The following RBPJ variants were observed in gnomAD, a reference collection of about 807,000 sequenced individuals.
RBPJ encodes the protein recombining binding protein suppressor of hairless.
RBPJ carries 9 observed loss-of-function variants against 67.8 expected under a neutral mutation model. The observed-to-expected ratio is 0.13, with a 90% CI of 0.08 to 0.23. The LOEUF (loss-of-function observed/expected upper bound fraction) is 0.23. Ranked by LOEUF, RBPJ falls within the 10% of genes least tolerant of loss-of-function variation. RBPJ has a pLI of 1.00. For synonymous variants in RBPJ, 198 were observed against 203.3 expected, an observed-to-expected ratio of 0.97 and a Z score of 0.22; for missense variants, 305 against 595.6, an observed-to-expected ratio of 0.51 and a Z score of 5.08.
chr4:26,330,261 A>G (rs1048604559), intron 1 of RBPJ, among the ~76,000 whole-genome samples: 1 of 152,210 alleles, frequency 6.6e-6, no homozygotes, highest in Non-Finnish European at 1.5e-5. Flanking sequence ...AGTGAGCTTC[A>G]TAAGAAAAGG....
At chr4:26,352,961 G>A (rs915070546) in intron 1 of RBPJ, among the ~76,000 whole-genome samples, 4 of 152,094 alleles carry the variant, frequency 2.6e-5, no homozygotes, top group Non-Finnish European at 5.9e-5. Context: ...AGCTTCTTAT[G>A]TACCGGTAGC....
At chr4:26,240,404 C>T (rs1296003819) in intron 1 of RBPJ, among the ~76,000 whole-genome samples, 2 of 152,214 alleles carry the variant, frequency 1.3e-5, no homozygotes, top group African/African-American at 2.4e-5. Context: ...AGATCAATAA[C>T]ATTCACACAG....
intron 1 of RBPJ, among the ~76,000 whole-genome samples, chr4:26,210,194 A>C (rs938286334): frequency 1.3e-5 from 2 of 152,214 alleles, no homozygotes; most frequent in Non-Finnish European, 2.9e-5. Context: ...CTCTCAACAC[A>C]GATCCAAGAG....
intron 1 of RBPJ, among the ~76,000 whole-genome samples, chr4:26,168,400 C>A (rs1322776591): frequency 6.6e-6 from 1 of 152,054 alleles, no homozygotes; most frequent in East Asian, 1.9e-4. Context: ...GAATGTTGGC[C>A]CCCACTCTCT....
chr4:26,176,987 T>A (rs1347456938), intron 1 of RBPJ, among the ~76,000 whole-genome samples: 2 of 152,184 alleles, frequency 1.3e-5, no homozygotes, highest in Admixed American at 6.5e-5. Flanking sequence ...TGTCTGAAGA[T>A]GAGATGATTC....
chr4:26,169,889 T>C (rs918416006), intron 1 of RBPJ, among the ~76,000 whole-genome samples: 5 of 152,178 alleles, frequency 3.3e-5, no homozygotes, highest in African/African-American at 1.2e-4. Context: ...ATGTGCGGGA[T>C]ATAATCTCCT....
chr4:26,213,589 G>C (rs1406199898), intron 1 of RBPJ, among the ~76,000 whole-genome samples: 2 of 152,178 alleles, frequency 1.3e-5, no homozygotes, highest in Non-Finnish European at 2.9e-5. Context: ...CTGCCCATGA[G>C]AATGGAAAGG....
intron 1 of RBPJ, among the ~76,000 whole-genome samples, chr4:26,372,599 G>C (rs750006435): frequency 6.6e-6 from 1 of 152,066 alleles, no homozygotes; most frequent in African/African-American, 2.4e-5. Flanking sequence ...CTTCCTAGGG[G>C]CCTTGTTCTT....
intron 1 of RBPJ, 43 bp from the exon 2 acceptor site, chr4:26,386,310 T>C (rs770048258): frequency 1.3e-5 from 19 of 1,449,984 alleles, no homozygotes; most frequent in Non-Finnish European, 1.8e-5. Flanking sequence ...GAGTGTATCA[T>C]AAAGCTTACT....
intron 1 of RBPJ, among the ~76,000 whole-genome samples, chr4:26,338,875 G>A (rs964429052): frequency 3.3e-5 from 5 of 151,106 alleles, no homozygotes; most frequent in African/African-American, 7.3e-5. Flanking sequence ...AAAGTTGGGT[G>A]TGTGTGTGTG....
At chr4:26,420,444 C>T (rs1224138694) in intron 4 of RBPJ, 107 bp from the exon 5 acceptor site, 5 of 657,952 alleles carry the variant, frequency 7.6e-6, no homozygotes, top group African/African-American at 1.9e-5. Flanking sequence ...TCAGCTATCC[C>T]TTGGAATTGT....
chr4:26,170,303 G>A (rs1310583466), intron 1 of RBPJ, among the ~76,000 whole-genome samples: 1 of 152,182 alleles, frequency 6.6e-6, no homozygotes, highest in Non-Finnish European at 1.5e-5. Context: ...GGCTTTGGGA[G>A]GCCGAGGCGG....
intron 1 of RBPJ, among the ~76,000 whole-genome samples, chr4:26,180,245 C>G (rs1002011135): frequency 6.7e-6 from 1 of 149,578 alleles, no homozygotes; most frequent in Non-Finnish European, 1.5e-5. Flanking sequence ...ACCTGGGTGA[C>G]GAAATAATTG....
In RBPJ at chr4:26,267,097, A is replaced by T. The variant is rs541026580; in HGVS notation, c.-166-95349A>T. ...TCAAGGTAAAGAAGAAGATGGGGTT[A>T]CACAGAAGCCCAGTATTGACTTCGC... On this transcript the variant is annotated intron_variant, in intron 1 of 4. Coordinates refer to the RBPJ transcript ENST00000512351. Among the ~76,000 whole-genome samples, 217 of 152,344 alleles carry T rather than the reference A, an allele frequency of 1.4e-3. 3 individuals are homozygous for T. Among genetic ancestry groups the T allele is most frequent in the African/African-American group, 5.1e-3 (210 of 41,584 alleles).
intron 1 of RBPJ, among the ~76,000 whole-genome samples, chr4:26,278,330 A>G (rs1721148852): frequency 6.6e-6 from 1 of 152,236 alleles, no homozygotes. Context: ...TGTTAAAACC[A>G]ATTCAAAGGA....
At chr4:26,328,266 A>G (rs1723860608) in intron 1 of RBPJ, among the ~76,000 whole-genome samples, 1 of 152,194 alleles carries the variant, frequency 6.6e-6, no homozygotes, top group Non-Finnish European at 1.5e-5. Context: ...TAGTATAACC[A>G]TGCTTTAGTG....
chr4:26,353,075 C>T (rs1726973703), intron 1 of RBPJ, among the ~76,000 whole-genome samples: 2 of 152,208 alleles, frequency 1.3e-5, no homozygotes, highest in Admixed American at 1.3e-4. Context: ...GCTACTACAT[C>T]AGCTACTACT....
In RBPJ at chr4:26,431,220, A is replaced by AT. The variant is rs1241726873; in HGVS notation, c.*213_*214insT. On this transcript the variant is annotated 3_prime_UTR_variant, in exon 11 of 11. Transcript: ENST00000355476. Reference sequence around the variant, plus strand: ...AAAAAAAAAAAAAAAAAGAAAAAAAAATCAAAATGTATAAATATTGGAAAT... The same window carrying AT: ...AAAAAAAAAAAAAAAAAGAAAAAAAATATCAAAATGTATAAATATTGGAAAT... 2.3e-6 allele frequency: 1 copy of AT among 431,176 alleles called. No homozygotes were observed. The highest frequency in any genetic ancestry group is 4.1e-6 in the Non-Finnish European group (1 of 245,584). The allele number at this position is 431,176 out of a possible 1,614,324, so 26.7% of individuals were successfully genotyped here.
chr4:26,430,199 GAAAA>G lies in RBPJ; in HGVS notation c.1044+152_1044+155del. The G allele has an allele frequency of 1.0e-6, 1 of 989,012 alleles. No homozygotes were observed. The highest frequency in any genetic ancestry group is 2.6e-5 in the East Asian group (1 of 38,106). The allele number at this position is 989,012 out of a possible 1,614,324, so 61.3% of individuals were successfully genotyped here. A position where few individuals can be genotyped will look rare whatever the true frequency, so the allele number is the denominator to read the frequency against. ...TATATACACCATTTGTTGATTTAAAGAAAAAAAAACAAAATTAGGAGGAGCGTAC... is the reference window on the plus strand; with the variant it reads ...TATATACACCATTTGTTGATTTAAAGAAAAACAAAATTAGGAGGAGCGTAC... On this transcript the variant is annotated intron_variant, in intron 9 of 10. Transcript: ENST00000355476. The surrounding 1 kb of genome is among the most constrained non-coding windows in gnomAD (Gnocchi z 4.1).
Sources: gnomAD v4.1 joint callset for allele counts (sites outside exome capture counted in the v4.1 genomes callset) on GRCh38, gnomAD v4.1.1 for gene constraint, Gnocchi (gnomAD v3.1) non-coding constraint, MANE v1.5 for transcripts, NCBI Gene and HGNC (gene_info 2026-07-23, HGNC 2026-07-21) for gene names.